The following TTC19 variants were observed in gnomAD, a reference collection of about 807,000 sequenced individuals.
TTC19 encodes tetratricopeptide repeat domain 19.
A neutral mutation model predicts 49.5 loss-of-function variants in TTC19; 38 were observed. The observed-to-expected ratio is 0.77, with a 90% CI of 0.59 to 1.01. The LOEUF (loss-of-function observed/expected upper bound fraction) is 1.01, where lower values mean the gene tolerates loss of function less well. TTC19 is among the 50% of genes least tolerant of loss of function. The probability of loss-of-function intolerance (pLI) is 0.00; values close to 1 mark genes in which losing one functional copy is unlikely to be tolerated. For missense variants in TTC19, 475 were observed against 477.7 expected, an observed-to-expected ratio of 0.99 and a Z score of 0.05; for synonymous variants, 204 against 185.2, an observed-to-expected ratio of 1.10 and a Z score of -0.83.
rs140984520 is a variant in TTC19, at chr17:16,004,769, C to T, written c.581+507C>T. 1.1e-4 allele frequency among the ~76,000 whole-genome samples: 17 copies of T among 152,188 alleles called. No individual in the cohort carries two copies. In the East Asian group the frequency reaches 2.1e-3, roughly 19 times the overall value. On this transcript the variant is annotated intron_variant, in intron 6 of 9. Coordinates refer to ENST00000261647, the MANE Select transcript of TTC19 (RefSeq NM_017775.4). ...GGTTTTAGTGGTGCAGAAGTTGGTG[C>T]GAGAGGTTTGGAGTGACATGGAGCC...
intron 7 of TTC19, among the ~76,000 whole-genome samples, chr17:16,020,029 C>G (rs1971325074): frequency 6.6e-6 from 1 of 150,968 alleles, no homozygotes; most frequent in Admixed American, 6.6e-5. Flanking sequence ...ACTTGGGAGG[C>G]TGAGGCATGC....
chr17:16,000,658 C>G (rs868081711), intron 2 of TTC19, among the ~76,000 whole-genome samples: 1 of 152,116 alleles, frequency 6.6e-6, no homozygotes. Context: ...TTCTCCACAT[C>G]CTTTTCTATT....
Position 16,006,455 on chromosome 17 carries a change from T to G in TTC19, c.582-19T>G, listed in dbSNP as rs763910870. 6 of 1,534,252 alleles carry G rather than the reference T, an allele frequency of 3.9e-6. No individual in the cohort carries two copies. Among genetic ancestry groups the G allele is most frequent in the East Asian group, 2.3e-5 (1 of 44,436 alleles). ...AAAGAAGAAAAGGTAAATGGCTGAT[T>G]ATTGATTTTGCTTTACAGACAGGAA... On this transcript the variant is annotated intron_variant, in intron 6 of 9. Transcript: ENST00000261647.
At chr17:16,032,543 C>T, downstream of TTC19, 1 of 1,472,530 alleles carries the variant, frequency 6.8e-7, no homozygotes, top group East Asian at 2.3e-5. Context: ...TCATCCAATC[C>T]AACTTTTGTA....
chr17:16,035,476 T>C (rs1175599568), intron 2 of TTC19, among the ~76,000 whole-genome samples: 3 of 151,838 alleles, frequency 2.0e-5, no homozygotes, highest in Non-Finnish European at 4.4e-5. Flanking sequence ...AGTTTGATCA[T>C]GAGATTGCAG....
intron 7 of TTC19, among the ~76,000 whole-genome samples, chr17:16,021,550 G>C (rs1971385618): frequency 6.6e-6 from 1 of 152,200 alleles, no homozygotes; most frequent in African/African-American, 2.4e-5. Context: ...GGGCAGTATG[G>C]TGTCTTATAG....
intron 7 of TTC19, among the ~76,000 whole-genome samples, chr17:16,015,820 AAG>A (rs1394424030): frequency 3.9e-5 from 6 of 152,184 alleles, no homozygotes; most frequent in Non-Finnish European, 8.8e-5. Context: ...ACTATTATAT[AAG>A]AGTTTGTGGA....
chr17:16,041,815 C>G (rs965083874), intron 2 of TTC19, among the ~76,000 whole-genome samples: 1 of 152,088 alleles, frequency 6.6e-6, no homozygotes, highest in African/African-American at 2.4e-5. Flanking sequence ...TGGCTCACTG[C>G]AAGCTCTGCC....
chr17:16,025,313 C>T lies in TTC19; in HGVS notation c.831+142C>T, dbSNP rs1042653066. On this transcript the variant is annotated intron_variant, in intron 8 of 9. Coordinates refer to ENST00000261647, the MANE Select transcript of TTC19 (RefSeq NM_017775.4). ...CCCCAGTCTACTCATTTTCTTATCA[C>T]CAGCACCCTCACCCCAACTACTTGT... 1.9e-5 allele frequency: 16 copies of T among 847,132 alleles called. No homozygotes were observed. In the Admixed American group the frequency reaches 2.5e-4, roughly 13 times the overall value. 52.5% of individuals were successfully genotyped at this position (847,132 alleles called of 1,614,324 possible).
intron 7 of TTC19, chr17:16,023,659 C>G (rs1156351535): frequency 6.6e-6 from 1 of 152,186 alleles, no homozygotes; most frequent in Admixed American, 6.5e-5. Flanking sequence ...ACAGACGATT[C>G]TGGTGTTAGT....
chr17:16,038,827 G>C (rs2056980882), intron 2 of TTC19, among the ~76,000 whole-genome samples: 1 of 152,156 alleles, frequency 6.6e-6, no homozygotes, highest in Non-Finnish European at 1.5e-5. Context: ...CTGGAGTGCA[G>C]TGGTGTGATC....
intron 2 of TTC19, chr17:16,041,066 A>T (rs2057467767): frequency 6.5e-6 from 1 of 152,862 alleles, no homozygotes. Flanking sequence ...CTGGGATGTG[A>T]TCCAGAGGAA....
At chr17:16,023,909 C>G (rs4792715) in intron 7 of TTC19, 1 of 152,098 alleles carries the variant, frequency 6.6e-6, no homozygotes. Context: ...TAGAAGGGAA[C>G]GGGCTTGATA....
At chr17:16,039,186 CAAAT>C (rs1335144649) in intron 2 of TTC19, 2 of 496,662 alleles carry the variant, frequency 4.0e-6, no homozygotes, top group East Asian at 7.0e-5. Flanking sequence ...TAGGTGCAAA[CAAAT>C]AAAAAATGGA....
At chr17:16,013,577 T>G (rs183308441) in intron 7 of TTC19, among the ~76,000 whole-genome samples, 1 of 152,220 alleles carries the variant, frequency 6.6e-6, no homozygotes, top group Non-Finnish European at 1.5e-5. Context: ...TTCTTGCAGA[T>G]AGTAATCAAT....
intron 2 of TTC19, chr17:16,040,079 C>G (rs371517811): frequency 2.2e-6 from 1 of 457,540 alleles, no homozygotes; most frequent in Admixed American, 2.5e-5. Context: ...CGTGAGCCAC[C>G]GCACCCAGCC....
chr17:16,033,151 G>A (rs1433501586), downstream of TTC19, among the ~76,000 whole-genome samples: 2 of 151,984 alleles, frequency 1.3e-5, no homozygotes, highest in African/African-American at 4.8e-5. Context: ...TTCAAGACCA[G>A]CCTGACCAAC....
chr17:16,008,314 C>T (rs753691686), intron 7 of TTC19, among the ~76,000 whole-genome samples: 1 of 152,114 alleles, frequency 6.6e-6, no homozygotes, highest in African/African-American at 2.4e-5. Flanking sequence ...TCAGTTTTGC[C>T]GCTCACAACT....
intron 4 of TTC19, among the ~76,000 whole-genome samples, 184 bp downstream of exon 4, chr17:16,003,015 A>G (rs998083570): frequency 3.3e-5 from 5 of 152,204 alleles, no homozygotes; most frequent in Non-Finnish European, 7.3e-5. Flanking sequence ...CTGAAGGCAG[A>G]CAGACATAGG....
Sources: allele counts gnomAD v4.1 joint callset (sites outside exome capture counted in the v4.1 genomes callset), GRCh38; gene constraint gnomAD v4.1.1; transcripts MANE v1.5; gene names NCBI Gene and HGNC (gene_info 2026-07-23, HGNC 2026-07-21).